RGSL1: variants seen among roughly 807,000 people sequenced by gnomAD.
The protein encoded by RGSL1 is regulator of G protein signaling like 1, also known as regulator of G protein signaling protein-like.
RGSL1 carries 97 observed loss-of-function variants against 124.7 expected under a neutral mutation model. That is an observed-to-expected ratio of 0.78 (90% CI 0.66 to 0.92). The LOEUF is 0.92. Ranked by LOEUF, RGSL1 falls within the 40% of genes least tolerant of loss-of-function variation. The pLI is 0.00. For missense variants in RGSL1, 1,233 were observed against 1,288.4 expected (o/e 0.96, Z 0.66); for synonymous variants, 424 against 438.1 (o/e 0.97, Z 0.40).
chr1:182,506,467 A>G (rs531523796), intron 9 of RGSL1, among the ~76,000 whole-genome samples: 16 of 151,860 alleles, frequency 1.1e-4, no homozygotes, highest in African/African-American at 3.9e-4. Context: ...ATATGGAATT[A>G]TAGATTCCTG....
intron 9 of RGSL1, among the ~76,000 whole-genome samples, chr1:182,517,859 CA>C (rs1398512891): frequency 6.6e-6 from 1 of 152,150 alleles, no homozygotes; most frequent in Non-Finnish European, 1.5e-5. Context: ...CACATATCAC[CA>C]TCTCCTTAGT....
chr1:182,535,911 A>G (rs1659505873), intron 14 of RGSL1, among the ~76,000 whole-genome samples: 1 of 152,108 alleles, frequency 6.6e-6, no homozygotes, highest in East Asian at 1.9e-4. Context: ...AAATTCCTTT[A>G]TGTGTCTTTT....
chr1:182,480,692 G>T (rs1654637513), intron 6 of RGSL1, among the ~76,000 whole-genome samples: 3 of 152,104 alleles, frequency 2.0e-5, no homozygotes. Context: ...CCGACCTCAG[G>T]CGATCCACCT....
intron 4 of RGSL1, among the ~76,000 whole-genome samples, chr1:182,472,180 C>A (rs1653901408): frequency 6.6e-6 from 1 of 152,110 alleles, no homozygotes; most frequent in Admixed American, 6.6e-5. Flanking sequence ...AACAAAAAGT[C>A]AAAGGATTCC....
chr1:182,486,107 A>G (rs1387097453), intron 6 of RGSL1, among the ~76,000 whole-genome samples: 1 of 152,184 alleles, frequency 6.6e-6, no homozygotes, highest in East Asian at 1.9e-4. Flanking sequence ...GACAAGCTCA[A>G]TTCTAAAGAA....
chr1:182,461,739 C>T (rs1652855047), intron 4 of RGSL1, among the ~76,000 whole-genome samples: 1 of 151,936 alleles, frequency 6.6e-6, no homozygotes, highest in African/African-American at 2.4e-5. Flanking sequence ...GATTTAAAGG[C>T]AGATTAGAGC....
At chr1:182,548,988 C>A (rs899232751) in intron 17 of RGSL1, 164 bp downstream of exon 17, 10 of 802,672 alleles carry the variant, frequency 1.2e-5, no homozygotes, top group Non-Finnish European at 1.9e-5. Flanking sequence ...ATCCCTCACA[C>A]AGAACACCAA....
chr1:182,495,282 A>G (rs1655830645), intron 9 of RGSL1, among the ~76,000 whole-genome samples: 1 of 152,112 alleles, frequency 6.6e-6, no homozygotes, highest in Admixed American at 6.5e-5. Flanking sequence ...CCAGCACTAC[A>G]GTGGCTTATG....
intron 9 of RGSL1, among the ~76,000 whole-genome samples, chr1:182,505,450 AAG>A (rs1475965092): frequency 6.6e-5 from 10 of 152,106 alleles, no homozygotes; most frequent in Non-Finnish European, 1.2e-4. Flanking sequence ...TTTCTTCACC[AAG>A]ACTTTCCCTA....
chr1:182,460,142 T>C lies in RGSL1; in HGVS notation c.301+9T>C. ...TAAGTCCCCAGAAGGAGGTAAGCAT[T>C]GGTGTGCATGCGTGTGTCTGTGTGT... On this transcript the variant is annotated intron_variant, in intron 4 of 21. Transcript: ENST00000294854. 6.5e-7 allele frequency: 1 copy of C among 1,541,366 alleles called. No homozygotes were observed. The highest frequency in any genetic ancestry group is 8.7e-7 in the Non-Finnish European group (1 of 1,144,934).
In RGSL1 at chr1:182,556,219, A is replaced by G. The variant is rs921814283; in HGVS notation, c.*162A>G. 1.0e-5 allele frequency: 7 copies of G among 670,058 alleles called. No individual in the cohort carries two copies. The highest frequency in any genetic ancestry group is 3.6e-5 in the African/African-American group (2 of 54,808). The allele number at this position is 670,058 out of a possible 1,614,324, so 41.5% of individuals were successfully genotyped here. On this transcript the variant is annotated 3_prime_UTR_variant, in exon 21 of 22. Coordinates refer to ENST00000294854, the MANE Select transcript of RGSL1 (RefSeq NM_001137669.2). Reference sequence around the variant, plus strand: ...CCAGATATGGCAGGACCAGACTGCAATGGGTAAGACTTGGGCAGAGCATGA... The same window carrying G: ...CCAGATATGGCAGGACCAGACTGCAGTGGGTAAGACTTGGGCAGAGCATGA...
intron 9 of RGSL1, among the ~76,000 whole-genome samples, chr1:182,502,100 A>T (rs1558321016): frequency 6.6e-6 from 1 of 152,186 alleles, no homozygotes; most frequent in Non-Finnish European, 1.5e-5. Context: ...TGATGTTAAT[A>T]ATTTAATTCT....
At chr1:182,549,006 A>C in intron 17 of RGSL1, 182 bp downstream of exon 17, 1 of 669,066 alleles carries the variant, frequency 1.5e-6, no homozygotes, top group Non-Finnish European at 2.4e-6. Flanking sequence ...CAAACACTGA[A>C]TCCACAGATG....
chr1:182,526,992 C>A (rs567862553), intron 10 of RGSL1, among the ~76,000 whole-genome samples: 29 of 152,148 alleles, frequency 1.9e-4, no homozygotes, highest in African/African-American at 6.7e-4. Context: ...TTGACGTGGG[C>A]AGTTGAAATG....
At chr1:182,499,699 G>C (rs1656208297) in intron 9 of RGSL1, among the ~76,000 whole-genome samples, 1 of 152,136 alleles carries the variant, frequency 6.6e-6, no homozygotes, top group South Asian at 2.1e-4. Context: ...GATAGGTGTG[G>C]ATTTGATTCT....
chr1:182,515,491 T>G (rs1475873583), intron 9 of RGSL1, among the ~76,000 whole-genome samples: 1 of 122,516 alleles, frequency 8.2e-6, no homozygotes, highest in African/African-American at 3.2e-5. Context: ...CTCCTCCCTA[T>G]CATAAGCAGA....
intron 6 of RGSL1, among the ~76,000 whole-genome samples, chr1:182,486,602 T>C (rs1655116457): frequency 6.6e-6 from 1 of 152,086 alleles, no homozygotes. Flanking sequence ...CCCACGTCAG[T>C]CTCCAAAACT....
chr1:182,534,756 G>T lies in RGSL1; in HGVS notation c.2494+1965G>T, dbSNP rs575631557. On this transcript the variant is annotated intron_variant, in intron 14 of 21. Transcript: ENST00000294854. ...GCCAGAGAATCACTTGAACCCAGGAGGCAGAGGTTGCAGTGATCCGAGATT... is the reference window on the plus strand; with the variant it reads ...GCCAGAGAATCACTTGAACCCAGGATGCAGAGGTTGCAGTGATCCGAGATT... Among the ~76,000 whole-genome samples the T allele has an allele frequency of 7.2e-4, 110 of 152,056 alleles. 1 individual carries two copies. The highest frequency in any genetic ancestry group is 2.4e-3 in the African/African-American group (98 of 41,486).
At chr1:182,502,774 A>G (rs1571587300) in intron 9 of RGSL1, among the ~76,000 whole-genome samples, 1 of 145,132 alleles carries the variant, frequency 6.9e-6, no homozygotes, top group African/African-American at 2.6e-5. Context: ...TAATGTTTTG[A>G]GCTAAAGGAA....
Sources: gnomAD v4.1 joint callset for allele counts (sites outside exome capture counted in the v4.1 genomes callset) on GRCh38, gnomAD v4.1.1 for gene constraint, MANE v1.5 for transcripts, NCBI Gene and HGNC (gene_info 2026-07-23, HGNC 2026-07-21) for gene names.